The following DNAH17 variants were observed in gnomAD, a reference collection of about 807,000 sequenced individuals.
DNAH17 encodes dynein axonemal heavy chain 17, also known as axonemal beta dynein heavy chain 17.
In DNAH17, 376 loss-of-function variants were observed where a neutral mutation model predicts 485.6. The ratio of observed to expected loss-of-function variants is 0.77; its 90% CI spans 0.71 to 0.84. The LOEUF (loss-of-function observed/expected upper bound fraction) is 0.84, where lower values mean the gene tolerates loss of function less well. Among genes scored for constraint, DNAH17 ranks in the 40% least tolerant of loss-of-function variants. The pLI is 0.00. For missense variants in DNAH17, 6,370 were observed against 5,839.3 expected, an observed-to-expected ratio of 1.09 and a Z score of -2.96; for synonymous variants, 3,031 against 2,405.9, an observed-to-expected ratio of 1.26 and a Z score of -7.60.
chr17:78,492,220 A>G (rs112604723), intron 42 of DNAH17, among the ~76,000 whole-genome samples: 2 of 152,194 alleles, frequency 1.3e-5, no homozygotes, highest in African/African-American at 4.8e-5. Context: ...TTCCTTTCAT[A>G]AAGTGCAAAC....
chr17:78,557,646 A>C (rs2092055455), intron 14 of DNAH17, among the ~76,000 whole-genome samples: 1 of 150,064 alleles, frequency 6.7e-6, no homozygotes, highest in African/African-American at 2.4e-5. Context: ...CAAAAAAAAA[A>C]AAAAAAAAAA....
At chr17:78,478,249 A>ACATCACCATCATCACCG (rs2089173676) in intron 51 of DNAH17, among the ~76,000 whole-genome samples, 1 of 110,094 alleles carries the variant, frequency 9.1e-6, no homozygotes, top group Non-Finnish European at 1.9e-5. Context: ...CATCATCACC[A>ACATCACCATCATCACCG]CCATCACCAT....
In DNAH17 at chr17:78,501,861, T is replaced by A; in HGVS notation, c.5203A>T (p.Asn1735Tyr). The change falls in exon 34 of 81, where the codon AAC (asparagine) becomes TAC (tyrosine). Residue 1735 changes from asparagine to tyrosine, a missense_variant. Transcript: ENST00000389840. ...CCCATGAGCAGCGTGATGAGTACGTTCAGCTGGCTAATCTGCGGGGGAGAG... is the reference window on the plus strand; with the variant it reads ...CCCATGAGCAGCGTGATGAGTACGTACAGCTGGCTAATCTGCGGGGGAGAG... ...DYNKKQISQLNVLITLLMGNL... is the reference protein window; with the variant it reads ...DYNKKQISQLYVLITLLMGNL... 6.2e-7 allele frequency: 1 copy of A among 1,614,026 alleles called. No homozygotes were observed. The highest frequency in any genetic ancestry group is 1.1e-5 in the South Asian group (1 of 91,088).
intron 26 of DNAH17, among the ~76,000 whole-genome samples, chr17:78,512,356 ACACT>A (rs1444303480): frequency 1.3e-5 from 2 of 151,878 alleles, no homozygotes; most frequent in Admixed American, 6.6e-5. Flanking sequence ...GCCAAATTTC[ACACT>A]CACTCAGAGC....
chr17:78,459,229 C>T, intron 60 of DNAH17, 21 bp from the exon 61 acceptor site: 2 of 1,610,514 alleles, frequency 1.2e-6, no homozygotes, highest in South Asian at 1.1e-5. Context: ...AACCAGAGGG[C>T]CGGAGTCGTC....
intron 54 of DNAH17, among the ~76,000 whole-genome samples, chr17:78,470,734 T>C (rs1160168921): frequency 6.6e-6 from 1 of 152,154 alleles, no homozygotes; most frequent in Non-Finnish European, 1.5e-5. Flanking sequence ...TTTTATACTA[T>C]GTATATTTTA....
chr17:78,493,912 G>A (rs1199735028), intron 41 of DNAH17, 124 bp downstream of exon 41: 2 of 1,358,596 alleles, frequency 1.5e-6, no homozygotes, highest in Non-Finnish European at 1.9e-6. Flanking sequence ...CAGGCCGGAG[G>A]GCTCCCAGGA....
chr17:78,460,789 G>T (rs1598488173), intron 58 of DNAH17, among the ~76,000 whole-genome samples: 1 of 152,230 alleles, frequency 6.6e-6, no homozygotes, highest in Non-Finnish European at 1.5e-5. Context: ...TGTTTCTGGG[G>T]CTGTTTCATA....
Position 78,441,192 on chromosome 17 carries a change from C to G in DNAH17, c.11536G>C (p.Val3846Leu). 2 of 1,613,788 alleles carry G rather than the reference C, an allele frequency of 1.2e-6. No homozygotes were observed. The highest frequency in any genetic ancestry group is 1.7e-6 in the Non-Finnish European group (2 of 1,179,844). ...DRMTYAIKNF[V>L]EEKMGSKFVE... ...AACTTGCTGCCCATCTTTTCCTCCA[C>G]GAAGTTCCTAGGGGTGGAGTGCATC... The change falls in exon 72 of 81, where the codon GTG becomes CTG. Residue 3846 changes from valine (V) to leucine (L), a missense_variant. Val to Leu is a conservative substitution (Grantham distance 32). Transcript: ENST00000389840.
intron 71 of DNAH17, among the ~76,000 whole-genome samples, chr17:78,441,495 C>CG (rs1568055312): frequency 6.6e-6 from 1 of 151,806 alleles, no homozygotes; most frequent in Non-Finnish European, 1.5e-5. Context: ...GGGTCAACTG[C>CG]GGGGGGTGGG....
At chr17:78,454,145 T>G (rs974993776) in intron 64 of DNAH17, among the ~76,000 whole-genome samples, 1 of 152,178 alleles carries the variant, frequency 6.6e-6, no homozygotes. Context: ...TCAACTGTGA[T>G]GAGAATACAG....
intron 18 of DNAH17, among the ~76,000 whole-genome samples, chr17:78,539,463 G>A (rs1468817729): frequency 6.6e-6 from 1 of 152,082 alleles, no homozygotes; most frequent in Non-Finnish European, 1.5e-5. Flanking sequence ...TGGCAGTGAG[G>A]CAGGACCAGC....
Position 78,561,837 on chromosome 17 carries a change from C to T in DNAH17, c.1713G>A (p.Glu571=). Residue 571 remains glutamate, a synonymous_variant, in exon 12 of 81, where the codon GAG becomes GAA. Coordinates refer to ENST00000389840, the MANE Select transcript of DNAH17 (RefSeq NM_173628.4). The part of the protein sequence containing the change: ...ILYDAQMAAS[E]EGNIPLIHKN... ...TGTGGATCAGGGGGATGTTCCCCTC[C>T]TCGGAGGCCGCCATCTGGGCATCGT... The T allele has an allele frequency of 6.2e-7, 1 of 1,613,952 alleles. No homozygotes were observed. Among genetic ancestry groups the T allele is most frequent in the Non-Finnish European group, 8.5e-7 (1 of 1,179,868 alleles).
chr17:78,428,919 T>G (rs1267867329), intron 76 of DNAH17, among the ~76,000 whole-genome samples: 1 of 97,946 alleles, frequency 1.0e-5, no homozygotes, highest in African/African-American at 4.0e-5. Flanking sequence ...CTGCATTTCT[T>G]TCTTTAAAAA....
chr17:78,567,781 G>A lies in DNAH17; in HGVS notation c.1285-615C>T, dbSNP rs80296485. ...CCCAGGGGCCCGGTCTCCCATCTGC[G>A]CCGCTTGTGTTTGCTTTAGTCACGT... On this transcript the variant is annotated intron_variant, in intron 9 of 80. Transcript: ENST00000389840. Among the ~76,000 whole-genome samples the A allele has an allele frequency of 3.0e-3, 449 of 152,178 alleles. 3 individuals are homozygous for A. Among genetic ancestry groups the A allele is most frequent in the African/African-American group, 0.01 (421 of 41,534 alleles).
chr17:78,552,710 GAAT>G lies in DNAH17; in HGVS notation c.2271_2273del (p.Leu757del). ...TGGCCTCCGTACCTTCGCCATTCCA[GAAT>G]AATGTCGTTTCAGCGCTCAATAACT... On this transcript the variant is annotated inframe_deletion, in exon 15 of 81. Coordinates refer to ENST00000389840, the MANE Select transcript of DNAH17 (RefSeq NM_173628.4). The G allele has an allele frequency of 6.2e-7, 1 of 1,613,742 alleles. No homozygotes were observed. The highest frequency in any genetic ancestry group is 8.5e-7 in the Non-Finnish European group (1 of 1,179,696).
At chr17:78,543,655 CAT>C in intron 17 of DNAH17, 200 bp downstream of exon 17, 1 of 731,064 alleles carries the variant, frequency 1.4e-6, no homozygotes, top group Non-Finnish European at 2.3e-6. Context: ...GATCTCCTGA[CAT>C]TAGGTGATCC....
chr17:78,560,978 T>G, intron 12 of DNAH17, 43 bp from the exon 13 acceptor site: 30 of 1,492,266 alleles, frequency 2.0e-5, no homozygotes, highest in Non-Finnish European at 2.5e-5. Context: ...GGATATCTCC[T>G]GTGGGGTGTC....
In DNAH17 at chr17:78,426,534, C is replaced by G. The variant is rs1371951425; in HGVS notation, c.12838G>C (p.Asp4280His). 1.2e-6 allele frequency: 2 copies of G among 1,613,724 alleles called. No individual in the cohort carries two copies. Among genetic ancestry groups the G allele is most frequent in the Admixed American group, 1.7e-5 (1 of 59,988 alleles). Residue 4280 changes from aspartate (D) to histidine (H), a missense_variant, in exon 79 of 81, where the codon GAT (aspartate) becomes CAT (histidine). By Grantham distance (81) the Asp-to-His change is moderately conservative. Coordinates refer to ENST00000389840, the MANE Select transcript of DNAH17 (RefSeq NM_173628.4). ...GGGTAGGCCCGGGCCACCCACGTATCAGGCACGGTGTCATAGAAGAGAGCC... is the reference window on the plus strand; with the variant it reads ...GGGTAGGCCCGGGCCACCCACGTATGAGGCACGGTGTCATAGAAGAGAGCC... The part of the protein sequence containing the change: ...STALFYDTVP[D>H]TWVARAYPSM...
Sources: allele counts gnomAD v4.1 joint callset (sites outside exome capture counted in the v4.1 genomes callset), GRCh38; gene constraint gnomAD v4.1.1; transcripts MANE v1.5; gene names NCBI Gene and HGNC (gene_info 2026-07-23, HGNC 2026-07-21).